The following CIBAR2 variants were observed in gnomAD, a reference collection of about 807,000 sequenced individuals.
The protein encoded by CIBAR2 is CBY1 interacting BAR domain containing 2, also known as CBY1-interacting BAR domain-containing protein 2.
Under a neutral mutation model 36.2 loss-of-function variants are expected in CIBAR2, and 38 were observed. That is an observed-to-expected ratio of 1.05 (90% CI 0.81 to 1.38). The LOEUF (loss-of-function observed/expected upper bound fraction) is 1.38, where lower values mean the gene tolerates loss of function less well. Ranked by LOEUF, CIBAR2 falls within the 40% of genes most tolerant of loss-of-function variation. The pLI, the probability that CIBAR2 is intolerant of heterozygous loss-of-function variation, is 0.00. For missense variants in CIBAR2, 481 were observed against 383.4 expected, an observed-to-expected ratio of 1.25 and a Z score of -2.13; for synonymous variants, 182 against 149.5, an observed-to-expected ratio of 1.22 and a Z score of -1.58.
chr16:85,102,772 T>G lies in CIBAR2; in HGVS notation c.538-445A>C, dbSNP rs180728744. Among the ~76,000 whole-genome samples, 374 of 152,352 alleles carry G rather than the reference T, an allele frequency of 2.5e-3. 1 individual carries two copies. Among genetic ancestry groups the G allele is most frequent in the African/African-American group, 8.3e-3 (347 of 41,586 alleles). On this transcript the variant is annotated intron_variant, in intron 6 of 8. Coordinates refer to ENST00000539556, the MANE Select transcript of CIBAR2 (RefSeq NM_198491.3). ...TCCCCTCTGCCTCCTGAGATCACGT[T>G]GAGAAGTTTCTGTGTATTCCCGCCT...
At position 85,099,240 on chromosome 16, in the gene CIBAR2, G is replaced by T; in HGVS notation, c.860C>A (p.Ala287Asp). ...CCCACCCTGCCCACACACACAGTGG[G>T]CTGGCTGCCCCTTAACCACCCACTC... ...LCEWVVKGQPAHCVCGQGGHL... is the reference protein window; with the variant it reads ...LCEWVVKGQPDHCVCGQGGHL... The change falls in exon 9 of 9, where the codon GCC becomes GAC. Residue 287 changes from alanine to aspartate, a missense_variant. Physicochemically the swap from Ala to Asp is moderately radical, Grantham distance 126. Coordinates refer to ENST00000539556, the MANE Select transcript of CIBAR2 (RefSeq NM_198491.3). 6.2e-7 allele frequency: 1 copy of T among 1,611,790 alleles called. No individual in the cohort carries two copies. The highest frequency in any genetic ancestry group is 8.5e-7 in the Non-Finnish European group (1 of 1,178,998).
intron 2 of CIBAR2, 91 bp from the exon 3 acceptor site, chr16:85,108,190 G>A (rs528870984): frequency 2.5e-5 from 31 of 1,242,960 alleles, no homozygotes; most frequent in African/African-American, 1.3e-4. Flanking sequence ...CCCGGGAGCC[G>A]CGTGTCCAGA....
chr16:85,110,837 T>C (rs140806259), intron 1 of CIBAR2, among the ~76,000 whole-genome samples: 2,996 of 151,778 alleles, frequency 0.02, 85 homozygotes, highest in African/African-American at 0.069. Flanking sequence ...CCTGAGTAGG[T>C]GGGATTACAG....
chr16:85,103,808 C>T (rs954471993), intron 6 of CIBAR2, among the ~76,000 whole-genome samples: 1 of 152,324 alleles, frequency 6.6e-6, no homozygotes, highest in Middle Eastern at 3.4e-3. Flanking sequence ...GGCAGGGGTC[C>T]TGTCCTGTGG....
chr16:85,106,466 C>G (rs1247443148), intron 5 of CIBAR2, among the ~76,000 whole-genome samples: 1 of 152,062 alleles, frequency 6.6e-6, no homozygotes, highest in African/African-American at 2.4e-5. Flanking sequence ...GGATTATCTG[C>G]TACAAGCAGT....
At chr16:85,108,937 T>C (rs2074019169) in intron 2 of CIBAR2, among the ~76,000 whole-genome samples, 1 of 151,992 alleles carries the variant, frequency 6.6e-6, no homozygotes, top group South Asian at 2.1e-4. Flanking sequence ...CGGGAATGTC[T>C]TTGTGAGGGC....
At chr16:85,106,580 G>C (rs547786012) in intron 5 of CIBAR2, among the ~76,000 whole-genome samples, 1 of 152,014 alleles carries the variant, frequency 6.6e-6, no homozygotes, top group Non-Finnish European at 1.5e-5. Context: ...GACAGGGGAG[G>C]GGCCATGAGC....
intron 1 of CIBAR2, 148 bp from the exon 2 acceptor site, chr16:85,110,608 GGC>G: frequency 1.7e-6 from 1 of 591,924 alleles, no homozygotes. Flanking sequence ...CACTCAAGGT[GGC>G]AGCATCACGG....
chr16:85,106,664 C>T (rs895365768), intron 5 of CIBAR2, among the ~76,000 whole-genome samples: 2 of 152,192 alleles, frequency 1.3e-5, no homozygotes, highest in South Asian at 4.1e-4. Context: ...CCAGAAGGAA[C>T]CAGCCCTTTC....
chr16:85,099,777 C>G (rs1442718358), intron 8 of CIBAR2, among the ~76,000 whole-genome samples: 1 of 150,454 alleles, frequency 6.6e-6, no homozygotes, highest in Non-Finnish European at 1.5e-5. Context: ...GCATACACCA[C>G]CACACCCGGC....
chr16:85,099,288 T>C lies in CIBAR2; in HGVS notation c.812A>G (p.Asn271Ser). ...ANEDPEHPHA[N>S]HGRFSLCEWV... ...CTCACAGAGACTAAACCTGCCATGATTGGCATGAGGATGTTCAGGGTCTTC... is the reference window on the plus strand; with the variant it reads ...CTCACAGAGACTAAACCTGCCATGACTGGCATGAGGATGTTCAGGGTCTTC... The change falls in exon 9 of 9, where the codon AAT becomes AGT. Residue 271 changes from asparagine (N) to serine (S), a missense_variant. Asn to Ser is a conservative substitution (Grantham distance 46). Coordinates refer to ENST00000539556, the MANE Select transcript of CIBAR2 (RefSeq NM_198491.3). 6.2e-7 allele frequency: 1 copy of C among 1,613,588 alleles called. No individual in the cohort carries two copies. Among genetic ancestry groups the C allele is most frequent in the South Asian group, 1.1e-5 (1 of 91,074 alleles).
At chr16:85,102,375 G>T in intron 6 of CIBAR2, 48 bp from the exon 7 acceptor site, 2 of 1,176,804 alleles carry the variant, frequency 1.7e-6, no homozygotes, top group Non-Finnish European at 2.6e-6. Context: ...GTGAGAAAGA[G>T]CCCAGGGAAG....
intron 6 of CIBAR2, among the ~76,000 whole-genome samples, chr16:85,105,023 G>A (rs2073984461): frequency 6.6e-6 from 1 of 152,236 alleles, no homozygotes; most frequent in South Asian, 2.1e-4. Context: ...AAGAGGAAGT[G>A]GGGAGTGTGT....
intron 7 of CIBAR2, 49 bp downstream of exon 7, chr16:85,102,165 A>T (rs1339222526): frequency 3.8e-6 from 4 of 1,046,822 alleles, no homozygotes; most frequent in East Asian, 2.4e-5. Context: ...AACCAAAATG[A>T]AACTCTGCCC....
chr16:85,109,480 T>A (rs2074023688), intron 2 of CIBAR2, among the ~76,000 whole-genome samples: 1 of 152,212 alleles, frequency 6.6e-6, no homozygotes, highest in Admixed American at 6.5e-5. Context: ...CATGCGTTGC[T>A]ATCTGGTTTA....
intron 5 of CIBAR2, among the ~76,000 whole-genome samples, chr16:85,106,585 A>G (rs376407203): frequency 7.4e-4 from 112 of 152,238 alleles, no homozygotes; most frequent in African/African-American, 2.6e-3. Flanking sequence ...GGGAGGGGCC[A>G]TGAGCCAAGG....
At chr16:85,108,160 C>A in intron 2 of CIBAR2, 61 bp from the exon 3 acceptor site, 1 of 1,501,684 alleles carries the variant, frequency 6.7e-7, no homozygotes, top group Non-Finnish European at 9.0e-7. Flanking sequence ...CCAGCCTGGG[C>A]ATATAAAGCA....
intron 2 of CIBAR2, among the ~76,000 whole-genome samples, chr16:85,109,979 G>A (rs2074027553): frequency 6.6e-6 from 1 of 152,154 alleles, no homozygotes; most frequent in Non-Finnish European, 1.5e-5. Context: ...GAGCCCCCAG[G>A]GCTGGCTTCC....
At position 85,106,193 on chromosome 16, in the gene CIBAR2, C is replaced by T. The variant is rs567716823; in HGVS notation, c.433-762G>A. Among the ~76,000 whole-genome samples the T allele has an allele frequency of 3.5e-4, 53 of 152,226 alleles. No homozygotes were observed. The South Asian group carries it at 0.011, about 31-fold the overall frequency. On this transcript the variant is annotated intron_variant, in intron 5 of 8. Transcript: ENST00000539556. ...AGAATCCGGAGGTGCTCGGGCAGGG[C>T]TGTGACCCACATTCGTGTAGGTCAG...
Sources: gnomAD v4.1 joint callset for allele counts (sites outside exome capture counted in the v4.1 genomes callset) on GRCh38, gnomAD v4.1.1 for gene constraint, MANE v1.5 for transcripts, NCBI Gene and HGNC (gene_info 2026-07-23, HGNC 2026-07-21) for gene names.